Variants in GATAD1 observed in about 807,000 individuals in gnomAD.
GATAD1 encodes GATA zinc finger domain containing 1, also known as GATA zinc finger domain-containing protein 1.
In GATAD1, 12 loss-of-function variants were observed where a neutral mutation model predicts 26.5. That is an observed-to-expected ratio of 0.45 (90% CI 0.29 to 0.73). The LOEUF is 0.73. Ranked by LOEUF, GATAD1 falls within the 30% of genes least tolerant of loss-of-function variation. The pLI is 0.10. For synonymous variants in GATAD1, 129 were observed against 133.1 expected, an observed-to-expected ratio of 0.97 and a Z score of 0.21; for missense variants, 266 against 342.1, an observed-to-expected ratio of 0.78 and a Z score of 1.75.
At chr7:92,463,402 A>G (rs1045645878), downstream of GATAD1, among the ~76,000 whole-genome samples, 5 of 152,194 alleles carry the variant, frequency 3.3e-5, no homozygotes, top group Admixed American at 2.6e-4. Context: ...TGTAAATCCC[A>G]GAACTTTGGG....
chr7:92,489,756 T>C, the GATAD1 span: 1 of 1,614,080 alleles, frequency 6.2e-7, no homozygotes, highest in African/African-American at 1.3e-5. Flanking sequence ...TACTGATATC[T>C]GCCCTCAGTT....
At chr7:92,470,507 A>C in the GATAD1 span, 1 of 596,690 alleles carries the variant, frequency 1.7e-6, no homozygotes, top group African/African-American at 1.9e-5. Flanking sequence ...GGCAGTATCC[A>C]GGATTTGACT....
chr7:92,469,118 G>T, the GATAD1 span: 1 of 702,310 alleles, frequency 1.4e-6, no homozygotes, highest in South Asian at 1.5e-5. Context: ...ATTCGATCTC[G>T]AATTTCTTTA....
In GATAD1 at chr7:92,454,487, T is replaced by G; in HGVS notation, c.436-15T>G. 1 of 1,582,902 alleles carries G rather than the reference T, an allele frequency of 6.3e-7. No individual in the cohort carries two copies. The highest frequency in any genetic ancestry group is 1.1e-5 in the South Asian group (1 of 90,096). On this transcript the variant is annotated splice_polypyrimidine_tract_variant and intron_variant, in intron 3 of 4. Coordinates refer to ENST00000287957, the MANE Select transcript of GATAD1 (RefSeq NM_021167.5). ...TTTTTATTTTCAATGTGGGATTATC[T>G]TCTGTTTCCCCCAGGGAGTATATTA... is the stretch of plus-strand genomic sequence containing the variant.
the GATAD1 span, among the ~76,000 whole-genome samples, chr7:92,494,920 G>A: frequency 1.3e-5 from 2 of 151,796 alleles, no homozygotes; most frequent in Admixed American, 6.6e-5. Context: ...AGGTCAAGGT[G>A]TTTATTAAGA....
chr7:92,482,649 G>A, the GATAD1 span, among the ~76,000 whole-genome samples: 1 of 152,086 alleles, frequency 6.6e-6, no homozygotes, highest in Non-Finnish European at 1.5e-5. Flanking sequence ...GGGGGGATAT[G>A]AGAGGAAGAT....
At chr7:92,482,076 G>T in the GATAD1 span, among the ~76,000 whole-genome samples, 1 of 152,198 alleles carries the variant, frequency 6.6e-6, no homozygotes, top group Non-Finnish European at 1.5e-5. Context: ...ATTGAATAAG[G>T]TGAGAAGCAG....
downstream of GATAD1, among the ~76,000 whole-genome samples, chr7:92,464,041 A>T (rs1790018814): frequency 6.6e-6 from 1 of 152,194 alleles, no homozygotes; most frequent in African/African-American, 2.4e-5. Flanking sequence ...TATATAGGAG[A>T]TAAAGTCAAC....
At chr7:92,489,313 G>A in the GATAD1 span, 3 of 1,613,470 alleles carry the variant, frequency 1.9e-6, no homozygotes, top group South Asian at 3.3e-5. Context: ...AATTCTTCCA[G>A]TCATCTTCAC....
At chr7:92,468,449 A>G in the GATAD1 span, 6 of 211,022 alleles carry the variant, frequency 2.8e-5, no homozygotes, top group Non-Finnish European at 5.6e-5. Flanking sequence ...AGGGGACCCA[A>G]AGGGGGTTGC....
chr7:92,476,212 C>CT, the GATAD1 span, among the ~76,000 whole-genome samples: 1 of 152,222 alleles, frequency 6.6e-6, no homozygotes, highest in Non-Finnish European at 1.5e-5. Context: ...TAGCCCCATA[C>CT]TTTAAGATTT....
chr7:92,483,502 C>A, the GATAD1 span, among the ~76,000 whole-genome samples: 59 of 152,242 alleles, frequency 3.9e-4, 1 homozygote, highest in Middle Eastern at 0.01. Context: ...ATGTTGGGAG[C>A]GGATTGGGTA....
At chr7:92,468,836 T>C in the GATAD1 span, 1 of 764,414 alleles carries the variant, frequency 1.3e-6, no homozygotes, top group Non-Finnish European at 2.4e-6. Flanking sequence ...GGGGTGCCTT[T>C]GATGTCATTA....
the GATAD1 span, among the ~76,000 whole-genome samples, chr7:92,484,845 A>C: frequency 2.6e-5 from 4 of 152,260 alleles, no homozygotes; most frequent in South Asian, 2.1e-4. Flanking sequence ...ACCAAATGTC[A>C]TGAGCGTCCG....
chr7:92,482,267 C>A, the GATAD1 span, among the ~76,000 whole-genome samples: 2 of 152,104 alleles, frequency 1.3e-5, no homozygotes, highest in African/African-American at 2.4e-5. Flanking sequence ...AAAAAAGCAT[C>A]TTTAAGATCA....
At chr7:92,454,364 T>C (rs1789575118) in intron 3 of GATAD1, 138 bp from the exon 4 acceptor site, 1 of 681,150 alleles carries the variant, frequency 1.5e-6, no homozygotes, top group Admixed American at 2.6e-5. Context: ...GCACCAAACA[T>C]ATAAACACTG....
intron 4 of GATAD1, among the ~76,000 whole-genome samples, chr7:92,455,585 A>G (rs1239332312): frequency 6.6e-6 from 1 of 152,172 alleles, no homozygotes; most frequent in Non-Finnish European, 1.5e-5. Context: ...TACAATTTTT[A>G]AAGTTTTCAG....
At chr7:92,465,614 A>G in the GATAD1 span, among the ~76,000 whole-genome samples, 1 of 148,672 alleles carries the variant, frequency 6.7e-6, no homozygotes, top group Middle Eastern at 3.4e-3. Context: ...GGGAAACTCC[A>G]TCTCAAAAAA....
chr7:92,464,647 A>C (rs889025856), downstream of GATAD1, among the ~76,000 whole-genome samples: 12 of 152,196 alleles, frequency 7.9e-5, no homozygotes, highest in Admixed American at 5.2e-4. Flanking sequence ...TTGGGAATTA[A>C]GAAGAATGGA....
Sources: gnomAD v4.1 joint callset for allele counts (sites outside exome capture counted in the v4.1 genomes callset) on GRCh38, gnomAD v4.1.1 for gene constraint, MANE v1.5 for transcripts, NCBI Gene and HGNC (gene_info 2026-07-23, HGNC 2026-07-21) for gene names.